ZNF469: variants seen among roughly 807,000 people sequenced by gnomAD.
ZNF469 encodes the protein zinc finger protein 469.
ZNF469 carries 1 observed loss-of-function variant against 1.0 expected under a neutral mutation model. That is an observed-to-expected ratio of 1.00 (90% CI 0.35 to 4.73). The LOEUF is 4.73. Ranked by LOEUF, ZNF469 falls within the 30% of genes most tolerant of loss-of-function variation. ZNF469 has a pLI of 0.16. For missense variants in ZNF469, 6,100 were observed against 5,356.3 expected (o/e 1.14, Z -4.33); for synonymous variants, 2,703 against 2,363.4 (o/e 1.14, Z -4.17).
the ZNF469 span, among the ~76,000 whole-genome samples, chr16:88,244,605 C>G: frequency 1.3e-5 from 2 of 151,186 alleles, no homozygotes; most frequent in African/African-American, 4.9e-5. Context: ...GTGTGGGTGT[C>G]TAGGCAGATG....
the ZNF469 span, among the ~76,000 whole-genome samples, chr16:88,328,432 G>A: frequency 2.2e-3 from 342 of 152,284 alleles, 1 homozygote; most frequent in African/African-American, 7.9e-3. Context: ...AAACGCCATG[G>A]CAGTTCTCAG....
the ZNF469 span, chr16:88,178,476 C>T: frequency 6.6e-6 from 1 of 152,224 alleles, no homozygotes; most frequent in African/African-American, 2.4e-5. Flanking sequence ...GTGGCCGGGC[C>T]CATCCCGAGA....
the ZNF469 span, among the ~76,000 whole-genome samples, chr16:88,329,489 A>G: frequency 6.6e-6 from 1 of 152,164 alleles, no homozygotes; most frequent in East Asian, 1.9e-4. Context: ...TGGCCCTCTG[A>G]GGGCCTGAGT....
chr16:88,123,103 T>C, the ZNF469 span, among the ~76,000 whole-genome samples: 2 of 152,144 alleles, frequency 1.3e-5, no homozygotes, highest in Admixed American at 1.3e-4. Flanking sequence ...TGCTGGCGAG[T>C]ATGGACACAT....
chr16:88,393,144 A>G (rs1465956978), intron 1 of ZNF469, among the ~76,000 whole-genome samples: 2 of 152,270 alleles, frequency 1.3e-5, no homozygotes, highest in South Asian at 2.1e-4. Flanking sequence ...TGGCCGGTCT[A>G]TAAATACATT....
intron 1 of ZNF469, among the ~76,000 whole-genome samples, chr16:88,409,736 C>T (rs765860805): frequency 6.6e-6 from 1 of 152,164 alleles, no homozygotes; most frequent in Non-Finnish European, 1.5e-5. Context: ...AAACAAAGCT[C>T]GGTAAAGCAG....
At position 88,434,170 on chromosome 16, in the gene ZNF469, A is replaced by G; in HGVS notation, c.6700A>G (p.Ser2234Gly). Residue 2234 changes from serine to glycine, a missense_variant, in exon 3 of 3, where the codon AGT becomes GGT. Coordinates refer to ENST00000565624, the MANE Select transcript of ZNF469 (RefSeq NM_001367624.2). ...DPSSWPPGSV[S>G]AVTCTHSGDT... ...TTCCTCCTGGCCTCCTGGCTCCGTC[A>G]GTGCTGTAACCTGCACTCACAGTGG... The G allele has an allele frequency of 1.3e-6, 2 of 1,550,354 alleles. No individual in the cohort carries two copies. Among genetic ancestry groups the G allele is most frequent in the Non-Finnish European group, 1.7e-6 (2 of 1,146,962 alleles).
At chr16:88,114,007 C>T in the ZNF469 span, among the ~76,000 whole-genome samples, 2 of 152,282 alleles carry the variant, frequency 1.3e-5, no homozygotes, top group East Asian at 1.9e-4. Context: ...TGATGTCCGG[C>T]GAGCACCATG....
the ZNF469 span, among the ~76,000 whole-genome samples, chr16:88,220,269 C>A: frequency 1.3e-5 from 2 of 152,318 alleles, no homozygotes; most frequent in East Asian, 3.9e-4. Context: ...TGTGTGAACG[C>A]ATCCTTCAGC....
chr16:88,188,785 C>A, the ZNF469 span, among the ~76,000 whole-genome samples: 1 of 152,224 alleles, frequency 6.6e-6, no homozygotes, highest in African/African-American at 2.4e-5. Flanking sequence ...AGATCCACTG[C>A]ACGAGAATCT....
chr16:88,107,855 G>C, the ZNF469 span, among the ~76,000 whole-genome samples: 1 of 152,258 alleles, frequency 6.6e-6, no homozygotes, highest in African/African-American at 2.4e-5. Context: ...CAGGGCCCAT[G>C]TTGGGCTCCG....
chr16:88,336,618 G>C, the ZNF469 span, among the ~76,000 whole-genome samples: 1 of 151,602 alleles, frequency 6.6e-6, no homozygotes, highest in Non-Finnish European at 1.5e-5. Flanking sequence ...CATCCTTCAC[G>C]TGAGACACTA....
chr16:88,292,798 CAAAAAAAAAAA>C, the ZNF469 span, among the ~76,000 whole-genome samples: 2 of 111,112 alleles, frequency 1.8e-5, no homozygotes, highest in African/African-American at 3.5e-5. Flanking sequence ...CCTGTGTTAT[CAAAAAAAAAAA>C]AAAAAAAAAA....
At chr16:88,416,218 C>G (rs903492395) in intron 1 of ZNF469, among the ~76,000 whole-genome samples, 3 of 152,156 alleles carry the variant, frequency 2.0e-5, no homozygotes, top group African/African-American at 7.2e-5. Flanking sequence ...TCATCGGTCC[C>G]GGTTTCTCAT....
At chr16:88,355,411 GCT>G in the ZNF469 span, among the ~76,000 whole-genome samples, 1 of 152,220 alleles carries the variant, frequency 6.6e-6, no homozygotes, top group East Asian at 1.9e-4. Flanking sequence ...CCACCATGGC[GCT>G]CACGGACGAA....
At chr16:88,325,469 G>A in the ZNF469 span, among the ~76,000 whole-genome samples, 1 of 152,280 alleles carries the variant, frequency 6.6e-6, no homozygotes, top group Non-Finnish European at 1.5e-5. Flanking sequence ...CCTGCCCAGG[G>A]GACCCGGAGG....
the ZNF469 span, among the ~76,000 whole-genome samples, chr16:88,148,665 G>A: frequency 6.6e-6 from 1 of 152,166 alleles, no homozygotes; most frequent in Non-Finnish European, 1.5e-5. Flanking sequence ...TCCGGGCCTT[G>A]GATGGGCTCC....
chr16:88,163,856 A>G, the ZNF469 span, among the ~76,000 whole-genome samples: 3 of 150,386 alleles, frequency 2.0e-5, no homozygotes, highest in African/African-American at 7.3e-5. Flanking sequence ...GGATGAGTGG[A>G]TGGATAGGTA....
chr16:88,391,420 T>C (rs1359315830), intron 1 of ZNF469, among the ~76,000 whole-genome samples: 2 of 152,250 alleles, frequency 1.3e-5, no homozygotes, highest in Non-Finnish European at 2.9e-5. Flanking sequence ...AGTCTGATCC[T>C]GGGCAAAGCC....
Sources: allele counts gnomAD v4.1 joint callset (sites outside exome capture counted in the v4.1 genomes callset), GRCh38; gene constraint gnomAD v4.1.1; transcripts MANE v1.5; gene names NCBI Gene and HGNC (gene_info 2026-07-23, HGNC 2026-07-21).